Variants in LAMB3 observed in about 807,000 individuals in gnomAD.
LAMB3 encodes the protein laminin subunit beta-3.
In LAMB3, 104 loss-of-function variants were observed where a neutral mutation model predicts 140.3. That is an observed-to-expected ratio of 0.74 (90% CI 0.63 to 0.87). The LOEUF (loss-of-function observed/expected upper bound fraction) is 0.87. LAMB3 is among the 40% of genes least tolerant of loss of function. The pLI is 0.00. For synonymous variants in LAMB3, 592 were observed against 602.9 expected (o/e 0.98, Z 0.26); for missense variants, 1,531 against 1,575.2 (o/e 0.97, Z 0.47).
intron 6 of LAMB3, among the ~76,000 whole-genome samples, chr1:209,633,772 G>C (rs1443321686): frequency 1.3e-5 from 2 of 152,216 alleles, no homozygotes; most frequent in Non-Finnish European, 2.9e-5. Flanking sequence ...CGGTCCACAT[G>C]AGAGCAGCTC....
At position 209,618,523 on chromosome 1, in the gene LAMB3, G is replaced by C. The variant is rs1374163709; in HGVS notation, c.2838C>G (p.Asp946Glu). The change falls in exon 19 of 23, where the codon GAC becomes GAG. Residue 946 changes from aspartate to glutamate, a missense_variant. By Grantham distance (45) the Asp-to-Glu change is conservative. Transcript: ENST00000356082. The stretch of plus-strand genomic sequence containing the variant: ...CCTGCTTGGTCTGGGACAGCACCAA[G>C]TCCACGTTGGGGAGCCTGGCTGCAA... ...QAIAARLPNV[D>E]LVLSQTKQDI... The C allele has an allele frequency of 1.9e-6, 3 of 1,614,252 alleles. No individual in the cohort carries two copies. Among genetic ancestry groups the C allele is most frequent in the Middle Eastern group, 1.6e-4 (1 of 6,062 alleles).
At chr1:209,625,533 G>T in intron 14 of LAMB3, 115 bp downstream of exon 14, 1 of 1,344,402 alleles carries the variant, frequency 7.4e-7, no homozygotes, top group Non-Finnish European at 1.1e-6. Context: ...AGAGCACTGT[G>T]AAAATGCCTT....
rs140720448 is a variant in LAMB3, at chr1:209,623,661, G to C, written c.2202C>G (p.Asp734Glu). The stretch of plus-strand genomic sequence containing the variant: ...TGAGCTGGTCCAAAAGGCGCGAGCT[G>C]TCGGAGACCTGCTGAGCAGCCTGGG... ...QSAQAAQQVS[D>E]SSRLLDQLRD... The change falls in exon 16 of 23, where the codon GAC becomes GAG. Residue 734 changes from aspartate (D) to glutamate (E), a missense_variant. Asp to Glu is a conservative substitution (Grantham distance 45, BLOSUM62 2). Transcript: ENST00000356082. The surrounding 1 kb of genome is among the most constrained non-coding windows in gnomAD (Gnocchi z 4.2). The C allele has an allele frequency of 1.2e-6, 2 of 1,614,232 alleles. No individual in the cohort carries two copies. Among genetic ancestry groups the C allele is most frequent in the Admixed American group, 3.3e-5 (2 of 60,032 alleles).
chr1:209,622,995 C>A lies in LAMB3; in HGVS notation c.2543G>T (p.Arg848Leu). 2 of 1,613,342 alleles carry A rather than the reference C, an allele frequency of 1.2e-6. No homozygotes were observed. The highest frequency in any genetic ancestry group is 1.7e-6 in the Non-Finnish European group (2 of 1,179,994). The change falls in exon 17 of 23, where the codon CGG (arginine) becomes CTG (leucine). Residue 848 changes from arginine to leucine, a missense_variant. Physicochemically the swap from Arg to Leu is moderately radical, Grantham distance 102. Transcript: ENST00000356082. Reference sequence around the variant, plus strand: ...GGCTGCACTTACCATCTGCCTGGTCCGCTGGAGCTGGGCATTGAAGCCCCG... The same window carrying A: ...GGCTGCACTTACCATCTGCCTGGTCAGCTGGAGCTGGGCATTGAAGCCCCG... Reference protein sequence around the residue: ...QLRGFNAQLQRTRQMIRAAEE... With the variant: ...QLRGFNAQLQLTRQMIRAAEE...
Position 209,617,578 on chromosome 1 carries a change from C to G in LAMB3, c.3060G>C (p.Gln1020His). The G allele has an allele frequency of 6.2e-7, 1 of 1,613,924 alleles. No individual in the cohort carries two copies. Among genetic ancestry groups the G allele is most frequent in the Non-Finnish European group, 8.5e-7 (1 of 1,179,984 alleles). Reference sequence around the variant, plus strand: ...CCAGCTTTTCTGCTGGCCGCAGTACCTGCTGAACCTTTGTGGAAAGAGGGA... The same window carrying G: ...CCAGCTTTTCTGCTGGCCGCAGTACGTGCTGAACCTTTGTGGAAAGAGGGA... ...LIQDRVAEVQ[Q>H]VLRPAEKLVT... is the part of the protein sequence containing the mutation. Residue 1020 changes from glutamine to histidine, a missense_variant, in exon 21 of 23, where the codon CAG becomes CAC. Physicochemically the swap from Gln to His is conservative, Grantham distance 24. Coordinates refer to ENST00000356082, the MANE Select transcript of LAMB3 (RefSeq NM_000228.3).
intron 3 of LAMB3, among the ~76,000 whole-genome samples, chr1:209,645,645 A>G (rs1402878934): frequency 1.2e-4 from 18 of 151,418 alleles, no homozygotes; most frequent in African/African-American, 4.1e-4. Flanking sequence ...GAACCTGGGA[A>G]GCAGAGGTTG....
chr1:209,628,244 G>A, intron 10 of LAMB3, 54 bp from the exon 11 acceptor site: 2 of 1,542,778 alleles, frequency 1.3e-6, no homozygotes, highest in Non-Finnish European at 1.7e-6. Context: ...AGAGTTCAGA[G>A]CAGATTCCAG....
chr1:209,645,636 A>G (rs2076510237), intron 3 of LAMB3, among the ~76,000 whole-genome samples: 1 of 151,704 alleles, frequency 6.6e-6, no homozygotes, highest in African/African-American at 2.4e-5. Context: ...GAATTACTTG[A>G]ACCTGGGAAG....
intron 3 of LAMB3, among the ~76,000 whole-genome samples, chr1:209,647,133 G>C (rs1170149626): frequency 6.6e-6 from 1 of 152,256 alleles, no homozygotes; most frequent in African/African-American, 2.4e-5. Context: ...ATGCCATAAG[G>C]CAAAGCTGGC....
intron 3 of LAMB3, among the ~76,000 whole-genome samples, chr1:209,642,252 A>AAT (rs917203454): frequency 5.9e-5 from 9 of 151,860 alleles, no homozygotes; most frequent in South Asian, 2.1e-4. Flanking sequence ...TGTGTGTGTG[A>AAT]ATATATATAT....
At chr1:209,640,659 C>T (rs61158666) in intron 3 of LAMB3, among the ~76,000 whole-genome samples, 3,851 of 152,232 alleles carry the variant, frequency 0.025, 141 homozygotes, top group African/African-American at 0.089. Context: ...CATATCTCCA[C>T]TTGACACATT....
intron 3 of LAMB3, among the ~76,000 whole-genome samples, chr1:209,645,487 G>A (rs896082129): frequency 1.4e-4 from 21 of 152,062 alleles, no homozygotes; most frequent in African/African-American, 2.9e-4. Flanking sequence ...AGGCCAAGGC[G>A]GGCAGATCGC....
At chr1:209,639,442 G>A (rs1043110044) in intron 3 of LAMB3, among the ~76,000 whole-genome samples, 7 of 152,104 alleles carry the variant, frequency 4.6e-5, no homozygotes, top group Admixed American at 1.3e-4. Context: ...GAGAGCAACC[G>A]GCCTCACTGG....
chr1:209,651,365 C>A, intron 1 of LAMB3: 1 of 231,224 alleles, frequency 4.3e-6, no homozygotes, highest in Non-Finnish European at 8.9e-6. Context: ...TAGTTCCAGC[C>A]CCAAGAGAGA....
At chr1:209,649,894 C>T (rs2076549686) in intron 3 of LAMB3, 70 bp downstream of exon 3, 2 of 1,540,734 alleles carry the variant, frequency 1.3e-6, no homozygotes, top group Non-Finnish European at 1.8e-6. Context: ...TCTAAGTATT[C>T]AGTGGACAAA....
chr1:209,616,558 C>G lies in LAMB3; in HGVS notation c.3295G>C (p.Gly1099Arg). 5 of 1,614,118 alleles carry G rather than the reference C, an allele frequency of 3.1e-6. No homozygotes were observed. The highest frequency in any genetic ancestry group is 2.5e-6 in the Non-Finnish European group (3 of 1,179,990). ...CTCTGGATCCGGGCACCCTGCTCACCCAGCATGGAACTCTGACCCAACCGG... is the reference window on the plus strand; with the variant it reads ...CTCTGGATCCGGGCACCCTGCTCACGCAGCATGGAACTCTGACCCAACCGG... ...KDRLGQSSML[G>R]EQGARIQSVK... Residue 1099 changes from glycine to arginine, a missense_variant, in exon 22 of 23, where the codon GGT (glycine) becomes CGT (arginine). Gly to Arg is a moderately radical substitution (Grantham distance 125). Coordinates refer to ENST00000356082, the MANE Select transcript of LAMB3 (RefSeq NM_000228.3).
chr1:209,626,721 G>A (rs1666470366), intron 13 of LAMB3, 146 bp downstream of exon 13: 1 of 704,104 alleles, frequency 1.4e-6, no homozygotes, highest in Non-Finnish European at 2.6e-6. Context: ...GCCGGAGTGT[G>A]TGCACTCACA....
intron 3 of LAMB3, among the ~76,000 whole-genome samples, chr1:209,647,585 C>T (rs1049608721): frequency 7.9e-5 from 12 of 152,156 alleles, no homozygotes; most frequent in Non-Finnish European, 1.5e-4. Flanking sequence ...GAGGCCTTGG[C>T]TTCAGGGAAG....
intron 1 of LAMB3, 119 bp from the exon 2 acceptor site, chr1:209,651,100 T>A: frequency 1.3e-6 from 1 of 741,974 alleles, no homozygotes. Context: ...AGGGTCCTGA[T>A]CTAGGACACT....
Sources: allele counts gnomAD v4.1 joint callset (sites outside exome capture counted in the v4.1 genomes callset), GRCh38; gene constraint gnomAD v4.1.1; non-coding constraint Gnocchi (gnomAD v3.1); transcripts MANE v1.5; gene names NCBI Gene and HGNC (gene_info 2026-07-23, HGNC 2026-07-21).